Variants in RAD51B observed in about 807,000 individuals in gnomAD.
RAD51B encodes the protein RAD51 paralog B.
RAD51B carries 38 observed loss-of-function variants against 42.2 expected under a neutral mutation model. That is an observed-to-expected ratio of 0.90 (90% confidence interval 0.70 to 1.18). The LOEUF (loss-of-function observed/expected upper bound fraction) is 1.18. Ranked by LOEUF, RAD51B falls within the 50% of genes most tolerant of loss-of-function variation. The pLI, the probability that RAD51B is intolerant of heterozygous loss-of-function variation, is 0.00. For synonymous variants in RAD51B, 154 were observed against 145.2 expected, an observed-to-expected ratio of 1.06 and a Z score of -0.43; for missense variants, 373 against 400.7, an observed-to-expected ratio of 0.93 and a Z score of 0.59.
intron 7 of RAD51B, among the ~76,000 whole-genome samples, chr14:67,992,247 C>G (rs567376285): frequency 1.3e-5 from 2 of 152,236 alleles, no homozygotes; most frequent in East Asian, 3.9e-4. Flanking sequence ...ATAGCTGTCT[C>G]CTGATATTTG....
intron 11 of RAD51B, among the ~76,000 whole-genome samples, chr14:68,671,571 G>T (rs8020743): frequency 6.6e-5 from 10 of 151,764 alleles, no homozygotes; most frequent in Non-Finnish European, 5.9e-5. Flanking sequence ...CCAACACCCC[G>T]CCTCCGACAA....
chr14:67,940,140 C>G (rs1328016145), intron 7 of RAD51B, among the ~76,000 whole-genome samples: 1 of 126,256 alleles, frequency 7.9e-6, no homozygotes, highest in Non-Finnish European at 1.6e-5. Flanking sequence ...ATGGCGTGAT[C>G]TCAGCTCACT....
chr14:68,134,323 C>T (rs1400470677), intron 7 of RAD51B, among the ~76,000 whole-genome samples: 1 of 151,998 alleles, frequency 6.6e-6, no homozygotes, highest in Non-Finnish European at 1.5e-5. Context: ...TATGGATGTA[C>T]CATAGTTTGT....
intron 11 of RAD51B, among the ~76,000 whole-genome samples, chr14:68,678,588 G>C (rs753285601): frequency 2.0e-5 from 3 of 152,166 alleles, no homozygotes; most frequent in Non-Finnish European, 2.9e-5. Flanking sequence ...TGGGAAGTAG[G>C]GGGGTGGCTG....
chr14:67,939,042 T>C (rs1308957462), intron 7 of RAD51B, among the ~76,000 whole-genome samples: 1 of 152,182 alleles, frequency 6.6e-6, no homozygotes, highest in Non-Finnish European at 1.5e-5. Context: ...TTTGAGAGAC[T>C]AGTTGAAAAA....
At chr14:68,056,904 ATGGTGAAACCC>A (rs2076485290) in intron 7 of RAD51B, among the ~76,000 whole-genome samples, 1 of 152,062 alleles carries the variant, frequency 6.6e-6, no homozygotes, top group African/African-American at 2.4e-5. Flanking sequence ...CATGGCGAAC[ATGGTGAAACCC>A]TGTCTCTACT....
At chr14:68,544,677 T>C (rs1340060231) in intron 10 of RAD51B, among the ~76,000 whole-genome samples, 5 of 152,166 alleles carry the variant, frequency 3.3e-5, no homozygotes, top group African/African-American at 9.7e-5. Context: ...CAGGTGACCA[T>C]GTGTGAAATT....
chr14:68,216,072 G>A (rs1190409864), intron 7 of RAD51B, among the ~76,000 whole-genome samples: 3 of 152,086 alleles, frequency 2.0e-5, no homozygotes, highest in Admixed American at 1.3e-4. Flanking sequence ...GAACTAATTT[G>A]GGGAAAATAA....
At chr14:67,897,571 G>A (rs1039596818) in intron 7 of RAD51B, among the ~76,000 whole-genome samples, 7 of 151,314 alleles carry the variant, frequency 4.6e-5, no homozygotes, top group African/African-American at 1.5e-4. Flanking sequence ...CACTCACATC[G>A]CTTAATACGG....
chr14:68,115,878 G>C (rs61741912), intron 7 of RAD51B, among the ~76,000 whole-genome samples: 12,607 of 152,000 alleles, frequency 0.083, 1,539 homozygotes, highest in African/African-American at 0.27. Flanking sequence ...TGTTAAAACA[G>C]AAATCAGAGG....
chr14:67,924,282 C>G (rs188740223), intron 7 of RAD51B, among the ~76,000 whole-genome samples: 1 of 152,102 alleles, frequency 6.6e-6, no homozygotes, highest in Non-Finnish European at 1.5e-5. Context: ...TTTTTGGGTT[C>G]TTGGTCATGA....
intron 10 of RAD51B, among the ~76,000 whole-genome samples, chr14:68,646,853 T>C (rs1892573519): frequency 6.6e-6 from 1 of 152,228 alleles, no homozygotes; most frequent in Admixed American, 6.5e-5. Context: ...CTTGTGATGA[T>C]ACTTTAGCCT....
intron 8 of RAD51B, among the ~76,000 whole-genome samples, chr14:68,381,464 A>G (rs1157184917): frequency 6.6e-6 from 1 of 152,120 alleles, no homozygotes; most frequent in Non-Finnish European, 1.5e-5. Flanking sequence ...TCACAAGGTC[A>G]GGAGATCGAG....
At chr14:68,669,728 T>C (rs572503886) in intron 11 of RAD51B, among the ~76,000 whole-genome samples, 1 of 151,988 alleles carries the variant, frequency 6.6e-6, no homozygotes, top group Non-Finnish European at 1.5e-5. Flanking sequence ...TGTAACCAAG[T>C]GGGGCCCAGT....
chr14:68,403,386 G>T (rs114898577), intron 8 of RAD51B, among the ~76,000 whole-genome samples: 3 of 151,584 alleles, frequency 2.0e-5, no homozygotes, highest in African/African-American at 7.3e-5. Context: ...ATGCTTTTCT[G>T]TTATGCACTA....
chr14:68,603,494 T>C (rs1411002258), intron 10 of RAD51B, among the ~76,000 whole-genome samples: 3 of 152,166 alleles, frequency 2.0e-5, no homozygotes, highest in Admixed American at 2.0e-4. Flanking sequence ...ATAAAACATG[T>C]TATCTGTTTT....
chr14:68,089,157 G>C (rs2077048808), intron 7 of RAD51B, among the ~76,000 whole-genome samples: 1 of 151,972 alleles, frequency 6.6e-6, no homozygotes, highest in Admixed American at 6.6e-5. Flanking sequence ...CAATTCTCTG[G>C]AGTATTAATG....
At chr14:68,380,516 A>G (rs1440985067) in intron 8 of RAD51B, among the ~76,000 whole-genome samples, 1 of 152,218 alleles carries the variant, frequency 6.6e-6, no homozygotes, top group Non-Finnish European at 1.5e-5. Context: ...GTGTGTGTGT[A>G]TAATTAAGAG....
chr14:68,655,213 C>G (rs1892787397), intron 11 of RAD51B, among the ~76,000 whole-genome samples: 1 of 152,136 alleles, frequency 6.6e-6, no homozygotes, highest in Non-Finnish European at 1.5e-5. Flanking sequence ...GGTGATCTCT[C>G]TCTCTCTCAA....
Sources: allele counts gnomAD v4.1 joint callset (sites outside exome capture counted in the v4.1 genomes callset), GRCh38; gene constraint gnomAD v4.1.1; transcripts MANE v1.5; gene names NCBI Gene and HGNC (gene_info 2026-07-23, HGNC 2026-07-21).